ASIP: variants seen among roughly 807,000 people sequenced by gnomAD.
ASIP encodes the protein agouti-signaling protein.
In ASIP, 11 loss-of-function variants were observed where a neutral mutation model predicts 10.3. The ratio of observed to expected loss-of-function variants is 1.07; its 90% CI spans 0.68 to 1.78. The LOEUF is 1.78. ASIP is among the 40% of genes most tolerant of loss of function. The pLI is 0.00. For missense variants in ASIP, 180 were observed against 169.2 expected, an observed-to-expected ratio of 1.06 and a Z score of -0.35; for synonymous variants, 70 against 70.8, an observed-to-expected ratio of 0.99 and a Z score of 0.06.
At chr20:34,239,351 G>A (rs922790474), upstream of ASIP, among the ~76,000 whole-genome samples, 10 of 151,966 alleles carry the variant, frequency 6.6e-5, no homozygotes, top group African/African-American at 2.4e-4. Flanking sequence ...CAAGTAGCTG[G>A]GACTACAGGC....
In ASIP at chr20:34,267,459, CAAAAAAAAAAAA is replaced by C. The variant is rs953440256; in HGVS notation, c.223-1519_223-1508del. On this transcript the variant is annotated intron_variant, in intron 3 of 3. Coordinates refer to ENST00000374954, the MANE Select transcript of ASIP (RefSeq NM_001672.3). ...GGGCGACAAGAGTGAAACTGGCTCTCAAAAAAAAAAAAAAAAAAAAAAAAGAACTGTGATGTG... is the reference window on the plus strand; with the variant it reads ...GGGCGACAAGAGTGAAACTGGCTCTCAAAAAAAAAAAAGAACTGTGATGTG... Among the ~76,000 whole-genome samples the C allele has an allele frequency of 1.5e-4, 7 of 46,280 alleles. 1 individual carries two copies. The highest frequency in any genetic ancestry group is 5.2e-4 in the Admixed American group (2 of 3,856). 30.4% of individuals were successfully genotyped at this position (46,280 alleles called of 152,430 possible). A position where few individuals can be genotyped will look rare whatever the true frequency, so the allele number is the denominator to read the frequency against.
intron 3 of ASIP, among the ~76,000 whole-genome samples, chr20:34,268,406 T>C (rs539740344): frequency 6.6e-6 from 1 of 152,128 alleles, no homozygotes; most frequent in East Asian, 1.9e-4. Context: ...AAGTTCATGT[T>C]TCATTTTAAG....
At chr20:34,212,586 C>G (rs984716086) in intron 1 of ASIP, among the ~76,000 whole-genome samples, 5 of 152,110 alleles carry the variant, frequency 3.3e-5, no homozygotes, top group Middle Eastern at 6.8e-3. Context: ...AACAATTGAC[C>G]CAATAATGTC....
At chr20:34,215,180 C>T in intron 1 of ASIP, 2 of 1,600,668 alleles carry the variant, frequency 1.2e-6, no homozygotes, top group Non-Finnish European at 1.7e-6. Context: ...TCCCGTAGAA[C>T]TTCTATTGAC....
At chr20:34,196,462 C>T (rs957511448) in intron 1 of ASIP, among the ~76,000 whole-genome samples, 6 of 151,962 alleles carry the variant, frequency 3.9e-5, no homozygotes, top group Non-Finnish European at 7.4e-5. Flanking sequence ...CGTGAGCCAC[C>T]GCGCCCGGCT....
At chr20:34,188,021 A>G in the ASIP span, among the ~76,000 whole-genome samples, 1 of 152,190 alleles carries the variant, frequency 6.6e-6, no homozygotes, top group East Asian at 1.9e-4. Flanking sequence ...GCTGTGGGAA[A>G]TGAGGGAGTG....
In ASIP at chr20:34,241,484, A is replaced by G; in HGVS notation, c.-16A>G. ...TCCTTGGCCTGGGCTCTTTGCGGGA[A>G]AGCATGTGAGTTTAGATGGCAACTT... On this transcript the variant is annotated 5_prime_UTR_variant, in exon 1 of 4. Transcript: ENST00000374954. 1 of 985,456 alleles carries G rather than the reference A, an allele frequency of 1.0e-6. No homozygotes were observed. 61.0% of individuals were successfully genotyped at this position (985,456 alleles called of 1,614,324 possible). A position where few individuals can be genotyped will look rare whatever the true frequency, so the allele number is the denominator to read the frequency against.
intron 1 of ASIP, among the ~76,000 whole-genome samples, chr20:34,196,211 G>A (rs1024786164): frequency 6.2e-5 from 7 of 112,306 alleles, no homozygotes; most frequent in Non-Finnish European, 1.2e-4. Context: ...ACGGAATCCC[G>A]CTGTGTCGCC....
At chr20:34,208,408 G>T (rs1307695906) in intron 1 of ASIP, among the ~76,000 whole-genome samples, 2 of 152,170 alleles carry the variant, frequency 1.3e-5, no homozygotes, top group Admixed American at 1.3e-4. Context: ...AGGCTGGAGT[G>T]CAGTGGTGTG....
upstream of ASIP, among the ~76,000 whole-genome samples, chr20:34,240,983 A>G (rs1395336724): frequency 6.6e-6 from 1 of 152,152 alleles, no homozygotes; most frequent in Non-Finnish European, 1.5e-5. Flanking sequence ...CAGCTCTGGG[A>G]GATCCTGGGA....
intron 1 of ASIP, among the ~76,000 whole-genome samples, chr20:34,217,325 T>A (rs4012155): frequency 0.26 from 38,378 of 150,342 alleles, 8,534 homozygotes; most frequent in African/African-American, 0.61. Flanking sequence ...GTAGTCCCAG[T>A]TACTCCGGAG....
intron 1 of ASIP, among the ~76,000 whole-genome samples, chr20:34,247,968 G>A (rs1236406891): frequency 2.0e-5 from 3 of 152,198 alleles, no homozygotes; most frequent in Non-Finnish European, 4.4e-5. Flanking sequence ...CACTTTGGAA[G>A]GCCAAGGAGG....
intron 1 of ASIP, among the ~76,000 whole-genome samples, chr20:34,248,491 G>A (rs2035417458): frequency 6.6e-6 from 1 of 152,056 alleles, no homozygotes; most frequent in African/African-American, 2.4e-5. Context: ...ATTCTCAGAG[G>A]GCAAATCCTC....
chr20:34,209,537 G>A (rs1021192048), intron 1 of ASIP, among the ~76,000 whole-genome samples: 1 of 152,236 alleles, frequency 6.6e-6, no homozygotes, highest in Non-Finnish European at 1.5e-5. Context: ...CCCCAACCAG[G>A]CTCAGAGAAG....
rs1286833734 is a variant in ASIP at position 34,260,761 on chromosome 20, G to T, written c.160+227G>T. Among the ~76,000 whole-genome samples, 4 of 152,346 alleles carry T rather than the reference G, an allele frequency of 2.6e-5. No individual in the cohort carries two copies. In the East Asian group the frequency reaches 7.7e-4, roughly 29 times the overall value. On this transcript the variant is annotated intron_variant, in intron 2 of 3. Transcript: ENST00000374954. ...TAGCATATGGTAGAGGCTCTGAAAGGCCTGAAGTTAAGACACTTGGTGAAC... is the reference window on the plus strand; with the variant it reads ...TAGCATATGGTAGAGGCTCTGAAAGTCCTGAAGTTAAGACACTTGGTGAAC...
chr20:34,205,587 C>G (rs1450105626), intron 1 of ASIP, among the ~76,000 whole-genome samples: 1 of 135,850 alleles, frequency 7.4e-6, no homozygotes, highest in Non-Finnish European at 1.5e-5. Context: ...GTTGCTGCTA[C>G]TGGCTCTGGT....
At chr20:34,213,574 A>G (rs1364932005) in intron 1 of ASIP, 2 of 1,548,936 alleles carry the variant, frequency 1.3e-6, no homozygotes, top group Non-Finnish European at 1.8e-6. Flanking sequence ...GGGCATGAAC[A>G]TCTGTTGTAA....
chr20:34,233,143 C>CTTTTTTTTTT (rs755217642), intron 1 of ASIP, among the ~76,000 whole-genome samples: 1 of 100,314 alleles, frequency 1.0e-5, no homozygotes, highest in African/African-American at 4.3e-5. Context: ...GGGACAAGAG[C>CTTTTTTTTTT]TTTTTTTTTT....
At chr20:34,221,385 G>GA (rs1018058007) in intron 1 of ASIP, among the ~76,000 whole-genome samples, 20 of 148,684 alleles carry the variant, frequency 1.3e-4, no homozygotes, top group African/African-American at 3.0e-4. Context: ...CTCAAAAAAA[G>GA]AAAAAAAAAG....
Sources: gnomAD v4.1 joint callset for allele counts (sites outside exome capture counted in the v4.1 genomes callset) on GRCh38, gnomAD v4.1.1 for gene constraint, MANE v1.5 for transcripts, NCBI Gene and HGNC (gene_info 2026-07-23, HGNC 2026-07-21) for gene names.